CPNE4: variants seen among roughly 807,000 people sequenced by gnomAD.
CPNE4 encodes the protein copine 4.
In CPNE4, 25 loss-of-function variants were observed where a neutral mutation model predicts 67.9. The ratio of observed to expected loss-of-function variants is 0.37; its 90% CI spans 0.27 to 0.51. The LOEUF is 0.51. Ranked by LOEUF, CPNE4 falls within the 20% of genes least tolerant of loss-of-function variation. The probability of loss-of-function intolerance (pLI) is 0.93; values close to 1 mark genes in which losing one functional copy is unlikely to be tolerated. For synonymous variants in CPNE4, 242 were observed against 244.9 expected (o/e 0.99, Z 0.11); for missense variants, 464 against 690.8 (o/e 0.67, Z 3.68).
intron 7 of CPNE4, among the ~76,000 whole-genome samples, chr3:131,669,422 G>A (rs996200910): frequency 3.9e-5 from 6 of 152,040 alleles, no homozygotes; most frequent in Non-Finnish European, 8.8e-5. Flanking sequence ...TATTGCCATG[G>A]TTTTGTCTTT....
At chr3:131,859,559 C>A (rs536756726) in intron 2 of CPNE4, among the ~76,000 whole-genome samples, 1 of 152,252 alleles carries the variant, frequency 6.6e-6, no homozygotes, top group African/African-American at 2.4e-5. Context: ...AATATTCCAA[C>A]ACCCAGGCCA....
At chr3:131,612,615 G>A (rs180846549) in intron 7 of CPNE4, among the ~76,000 whole-genome samples, 3 of 152,022 alleles carry the variant, frequency 2.0e-5, no homozygotes, top group Admixed American at 6.6e-5. Context: ...GCAAATACCG[G>A]GCACAGGCAT....
chr3:132,025,128 C>T (rs986555583), intron 1 of CPNE4, among the ~76,000 whole-genome samples: 1 of 152,174 alleles, frequency 6.6e-6, no homozygotes, highest in African/African-American at 2.4e-5. Flanking sequence ...AGTTTGAGAA[C>T]CATGGCTTGA....
intron 1 of CPNE4, among the ~76,000 whole-genome samples, chr3:131,962,859 A>T (rs1322528937): frequency 6.6e-6 from 1 of 152,192 alleles, no homozygotes; most frequent in Non-Finnish European, 1.5e-5. Context: ...TGCTTAGAAT[A>T]ATAAATATTT....
At chr3:131,746,847 A>G (rs1374076882) in intron 2 of CPNE4, among the ~76,000 whole-genome samples, 1 of 152,166 alleles carries the variant, frequency 6.6e-6, no homozygotes, top group Non-Finnish European at 1.5e-5. Flanking sequence ...AAACCTCTAA[A>G]CTATTTCCCA....
intron 2 of CPNE4, among the ~76,000 whole-genome samples, chr3:131,886,180 AC>A (rs1449545257): frequency 6.6e-6 from 1 of 152,160 alleles, no homozygotes; most frequent in Non-Finnish European, 1.5e-5. Flanking sequence ...CAGCCTAGGG[AC>A]TTCGTGCCCT....
chr3:131,980,402 TTTTC>T (rs1345962699), intron 1 of CPNE4, among the ~76,000 whole-genome samples: 2 of 152,144 alleles, frequency 1.3e-5, no homozygotes, highest in Non-Finnish European at 2.9e-5. Flanking sequence ...TCTTATTCTT[TTTTC>T]TTTGTCTTTG....
intron 6 of CPNE4, among the ~76,000 whole-genome samples, chr3:131,680,587 A>G (rs1285036412): frequency 3.9e-5 from 6 of 152,180 alleles, no homozygotes. Flanking sequence ...AAGAAAATAA[A>G]TAGAAAAATA....
At chr3:131,601,853 G>A (rs948568198) in intron 7 of CPNE4, among the ~76,000 whole-genome samples, 5 of 152,068 alleles carry the variant, frequency 3.3e-5, no homozygotes, top group African/African-American at 9.7e-5. Context: ...TAGGAGATGC[G>A]GGGGATGTTG....
intron 1 of CPNE4, among the ~76,000 whole-genome samples, chr3:131,976,232 T>G (rs554492315): frequency 6.6e-6 from 1 of 152,166 alleles, no homozygotes; most frequent in Non-Finnish European, 1.5e-5. Context: ...AAGCCTGGGC[T>G]AGGAGTGAGA....
intron 2 of CPNE4, among the ~76,000 whole-genome samples, chr3:131,866,954 CAGAAG>C (rs1206114154): frequency 2.0e-5 from 3 of 152,066 alleles, no homozygotes; most frequent in Non-Finnish European, 2.9e-5. Flanking sequence ...AAAGAGGGCA[CAGAAG>C]AGAATAACAG....
chr3:131,642,168 A>G (rs921405981), intron 7 of CPNE4, among the ~76,000 whole-genome samples: 1 of 151,880 alleles, frequency 6.6e-6, no homozygotes, highest in African/African-American at 2.4e-5. Flanking sequence ...AATAAAAAAT[A>G]AAAAAATTTA....
chr3:131,619,959 G>T (rs959364945), intron 7 of CPNE4, among the ~76,000 whole-genome samples: 1 of 152,188 alleles, frequency 6.6e-6, no homozygotes, highest in African/African-American at 2.4e-5. Flanking sequence ...GAGAAGTGAA[G>T]CCTTCAGTCT....
intron 7 of CPNE4, among the ~76,000 whole-genome samples, chr3:131,645,268 A>T (rs765655201): frequency 3.9e-5 from 6 of 152,226 alleles, no homozygotes; most frequent in Non-Finnish European, 7.3e-5. Context: ...TACAGATAAT[A>T]TCTCTGCATC....
intron 2 of CPNE4, among the ~76,000 whole-genome samples, chr3:131,859,593 A>G (rs966381760): frequency 2.6e-5 from 4 of 152,162 alleles, no homozygotes; most frequent in African/African-American, 7.2e-5. Context: ...TAAAAGTAGA[A>G]TCTCTGGGGG....
chr3:131,666,132 G>A (rs746619974), intron 7 of CPNE4, among the ~76,000 whole-genome samples: 5 of 152,128 alleles, frequency 3.3e-5, no homozygotes, highest in Non-Finnish European at 4.4e-5. Flanking sequence ...GCTACAAAAC[G>A]TAGCATACAA....
At chr3:131,787,556 C>T (rs964874486) in intron 2 of CPNE4, among the ~76,000 whole-genome samples, 3 of 152,098 alleles carry the variant, frequency 2.0e-5, no homozygotes, top group Non-Finnish European at 4.4e-5. Context: ...ATGGATCTGG[C>T]GGCTGAAGGC....
chr3:131,896,731 T>C (rs1013750458), intron 2 of CPNE4, among the ~76,000 whole-genome samples: 32 of 152,066 alleles, frequency 2.1e-4, no homozygotes, highest in African/African-American at 7.5e-4. Context: ...AATCCTCCAT[T>C]GTACTTGATA....
At chr3:132,038,000 T>TTTA, upstream of CPNE4, 1 of 44,318 alleles carries the variant, frequency 2.3e-5, no homozygotes, top group Non-Finnish European at 4.9e-5. Context: ...TTTTATTTTC[T>TTTA]TTCTTTTTTT....
Sources: allele counts gnomAD v4.1 joint callset (sites outside exome capture counted in the v4.1 genomes callset), GRCh38; gene constraint gnomAD v4.1.1; transcripts MANE v1.5; gene names NCBI Gene and HGNC (gene_info 2026-07-23, HGNC 2026-07-21).